RABGAP1L: variants seen among roughly 807,000 people sequenced by gnomAD.
RABGAP1L encodes rab GTPase-activating protein 1-like.
A neutral mutation model predicts 137.7 loss-of-function variants in RABGAP1L; 63 were observed. That is an observed-to-expected ratio of 0.46 (90% CI 0.37 to 0.56). RABGAP1L has a LOEUF of 0.56. RABGAP1L is among the 20% of genes least tolerant of loss of function. The pLI is 0.00. For missense variants in RABGAP1L, 1,095 were observed against 1,244.0 expected (o/e 0.88, Z 1.80); for synonymous variants, 431 against 433.7 (o/e 0.99, Z 0.08).
At chr1:174,833,528 C>T (rs187443047) in intron 19 of RABGAP1L, among the ~76,000 whole-genome samples, 30 of 140,172 alleles carry the variant, frequency 2.1e-4, no homozygotes, top group African/African-American at 7.3e-4. Flanking sequence ...CCACCTGCAT[C>T]AGCCTCCCAA....
At chr1:174,930,825 A>G (rs181740761) in intron 19 of RABGAP1L, among the ~76,000 whole-genome samples, 2 of 152,320 alleles carry the variant, frequency 1.3e-5, no homozygotes, top group Non-Finnish European at 1.5e-5. Context: ...ATCTTAACAC[A>G]TAAGGACTTT....
chr1:174,400,191 A>G (rs1246635094), intron 13 of RABGAP1L, among the ~76,000 whole-genome samples: 1 of 152,148 alleles, frequency 6.6e-6, no homozygotes, highest in East Asian at 1.9e-4. Flanking sequence ...TTCTTTTGCC[A>G]TGGGCGTATT....
intron 14 of RABGAP1L, among the ~76,000 whole-genome samples, chr1:174,671,284 A>G (rs1178777431): frequency 1.3e-5 from 2 of 152,188 alleles, no homozygotes; most frequent in South Asian, 4.1e-4. Context: ...GACAGGGACA[A>G]TTCGGTTTCT....
intron 20 of RABGAP1L, among the ~76,000 whole-genome samples, chr1:174,961,093 G>A (rs1669049573): frequency 6.6e-6 from 1 of 152,172 alleles, no homozygotes; most frequent in East Asian, 1.9e-4. Context: ...GAACAATGTA[G>A]AATGTTTATT....
chr1:174,589,560 A>T (rs1053856610), intron 13 of RABGAP1L, among the ~76,000 whole-genome samples: 1 of 151,918 alleles, frequency 6.6e-6, no homozygotes, highest in African/African-American at 2.4e-5. Flanking sequence ...GAGTTTCCTT[A>T]ATGTTTTCTT....
intron 13 of RABGAP1L, among the ~76,000 whole-genome samples, chr1:174,588,958 A>C (rs1669340854): frequency 6.6e-6 from 1 of 152,166 alleles, no homozygotes; most frequent in African/African-American, 2.4e-5. Flanking sequence ...TCTTTTGTGA[A>C]TATACCTAGC....
chr1:174,295,392 T>C (rs962850626), intron 10 of RABGAP1L, among the ~76,000 whole-genome samples: 7 of 152,062 alleles, frequency 4.6e-5, no homozygotes, highest in Admixed American at 3.9e-4. Context: ...TTTCTTTCTT[T>C]CTTTTTTTTG....
At chr1:174,502,861 A>G (rs1661451078) in intron 13 of RABGAP1L, among the ~76,000 whole-genome samples, 1 of 152,112 alleles carries the variant, frequency 6.6e-6, no homozygotes, top group Non-Finnish European at 1.5e-5. Context: ...ACAAGAATAC[A>G]TAATTATAGA....
chr1:174,396,378 A>C (rs1409351461), intron 13 of RABGAP1L, among the ~76,000 whole-genome samples: 2 of 152,114 alleles, frequency 1.3e-5, no homozygotes, highest in African/African-American at 4.8e-5. Flanking sequence ...TTCAATATTG[A>C]ATAGTATTTT....
At chr1:174,697,366 G>A (rs1015786298) in intron 15 of RABGAP1L, among the ~76,000 whole-genome samples, 7 of 151,424 alleles carry the variant, frequency 4.6e-5, no homozygotes, top group African/African-American at 7.3e-5. Context: ...CAAAACTCCA[G>A]GCTGGAGTGC....
rs139480377 is a variant in RABGAP1L at position 174,360,743 on chromosome 1, C to G, written c.1466-10236C>G. ...CCCATCAGAGGTGGAGGGAGGAACTCTTTTCTCCCCATAAATTCTTGATTT... is the reference window on the plus strand; with the variant it reads ...CCCATCAGAGGTGGAGGGAGGAACTGTTTTCTCCCCATAAATTCTTGATTT... On this transcript the variant is annotated intron_variant, in intron 11 of 25. Coordinates refer to ENST00000681986, the MANE Select transcript of RABGAP1L (RefSeq NM_001366446.1). Among the ~76,000 whole-genome samples, 542 of 152,270 alleles carry G rather than the reference C, an allele frequency of 3.6e-3. 2 individuals are homozygous for G. The highest frequency in any genetic ancestry group is 0.01 in the Middle Eastern group (3 of 294).
At chr1:174,966,506 T>G (rs1669637486) in intron 20 of RABGAP1L, among the ~76,000 whole-genome samples, 1 of 152,196 alleles carries the variant, frequency 6.6e-6, no homozygotes, top group Non-Finnish European at 1.5e-5. Context: ...TTTTTTTCCA[T>G]GAAAAGGAGT....
intron 13 of RABGAP1L, among the ~76,000 whole-genome samples, chr1:174,563,270 A>G (rs946972838): frequency 6.6e-6 from 1 of 152,210 alleles, no homozygotes; most frequent in Non-Finnish European, 1.5e-5. Context: ...TTTATGTGAA[A>G]GCTTTGATGA....
chr1:174,876,581 G>A (rs2149071538), intron 19 of RABGAP1L, among the ~76,000 whole-genome samples: 1 of 152,258 alleles, frequency 6.6e-6, no homozygotes, highest in East Asian at 1.9e-4. Flanking sequence ...GTCTCCAGCT[G>A]TAATTTAAAA....
intron 1 of RABGAP1L, among the ~76,000 whole-genome samples, chr1:174,173,901 A>C (rs1665613992): frequency 2.0e-5 from 3 of 152,170 alleles, no homozygotes; most frequent in Non-Finnish European, 4.4e-5. Context: ...ATAGGTATGA[A>C]ACTTTGAAAT....
chr1:174,777,483 G>T (rs564950066), intron 18 of RABGAP1L, among the ~76,000 whole-genome samples: 1 of 152,228 alleles, frequency 6.6e-6, no homozygotes, highest in South Asian at 2.1e-4. Context: ...GTTCCCCTGG[G>T]GGCAAAATCA....
intron 4 of RABGAP1L, among the ~76,000 whole-genome samples, chr1:174,240,401 C>T (rs1671705370): frequency 6.6e-6 from 1 of 152,194 alleles, no homozygotes; most frequent in African/African-American, 2.4e-5. Context: ...TTCCCACCGC[C>T]ATGCCTGGCT....
At chr1:174,982,157 A>G (rs192023593) in intron 23 of RABGAP1L, among the ~76,000 whole-genome samples, 3 of 152,070 alleles carry the variant, frequency 2.0e-5, no homozygotes, top group African/African-American at 7.2e-5. Context: ...TTAATACCTT[A>G]AATTCTGGGG....
intron 12 of RABGAP1L, among the ~76,000 whole-genome samples, chr1:174,377,909 A>G (rs554090515): frequency 2.7e-5 from 3 of 111,802 alleles, no homozygotes; most frequent in African/African-American, 4.9e-5. Flanking sequence ...AGCATTAGGT[A>G]TATCTCCCAA....
Sources: gnomAD v4.1 joint callset for allele counts (sites outside exome capture counted in the v4.1 genomes callset) on GRCh38, gnomAD v4.1.1 for gene constraint, MANE v1.5 for transcripts, NCBI Gene and HGNC (gene_info 2026-07-23, HGNC 2026-07-21) for gene names.